HEXD: variants seen among roughly 807,000 people sequenced by gnomAD.
HEXD encodes hexosaminidase D, also known as N-acetyl-beta-galactosaminidase.
Under a neutral mutation model 54.2 loss-of-function variants are expected in HEXD, and 47 were observed. That is an observed-to-expected ratio of 0.87 (90% CI 0.69 to 1.11). The LOEUF is 1.11. Ranked by LOEUF, HEXD falls within the 50% of genes least tolerant of loss-of-function variation. The pLI, the probability that HEXD is intolerant of heterozygous loss-of-function variation, is 0.00. For missense variants in HEXD, 576 were observed against 649.2 expected (o/e 0.89, Z 1.23); for synonymous variants, 293 against 287.6 (o/e 1.02, Z -0.19).
intron 4 of HEXD, 26 bp from the exon 5 acceptor site, chr17:82,433,632 A>T: frequency 6.6e-7 from 1 of 1,526,178 alleles, no homozygotes; most frequent in African/African-American, 1.4e-5. Context: ...TCCGCCCCCA[A>T]CGCGAACTTC....
Position 82,442,491 on chromosome 17 carries a change from G to A in HEXD, c.*107G>A, listed in dbSNP as rs770960916. ...CGTGGGCGTCGTGCCCTCTGGCCCA[G>A]CAGTGTCTTGCCCACACTCAGTTCC... On this transcript the variant is annotated 3_prime_UTR_variant, in exon 13 of 13. Coordinates refer to ENST00000327949, the MANE Select transcript of HEXD (RefSeq NM_001330542.2). This position sits in a 1 kb window ranked among gnomAD's most constrained non-coding sequence, Gnocchi z 6.8. The A allele has an allele frequency of 1.2e-6, 2 of 1,602,522 alleles. No homozygotes were observed. Among genetic ancestry groups the A allele is most frequent in the Admixed American group, 1.7e-5 (1 of 59,848 alleles).
chr17:82,432,110 G>A (rs1404207973), intron 4 of HEXD, among the ~76,000 whole-genome samples: 1 of 152,180 alleles, frequency 6.6e-6, no homozygotes, highest in Admixed American at 6.5e-5. Context: ...GGCAGAGGTT[G>A]TGCTCCCACA....
At position 82,424,600 on chromosome 17, in the gene HEXD, GCA is replaced by G. The variant is rs938508155; in HGVS notation, c.194+100_194+101del. ...GAGCAGCAACCTGGAGGTGCGGGTG[GCA>G]CAGTCAGGAACTGAACAGTGGTGGG... is the stretch of plus-strand genomic sequence containing the variant. On this transcript the variant is annotated intron_variant, in intron 3 of 12. Coordinates refer to ENST00000327949, the MANE Select transcript of HEXD (RefSeq NM_001330542.2). 5.3e-5 allele frequency: 41 copies of G among 778,932 alleles called. No individual in the cohort carries two copies. The African/African-American group carries it at 6.5e-4, about 12-fold the overall frequency. The allele number at this position is 778,932 out of a possible 1,614,324, so 48.3% of individuals were successfully genotyped here.
At chr17:82,440,441 A>C in intron 9 of HEXD, 1 of 655,420 alleles carries the variant, frequency 1.5e-6, no homozygotes. Flanking sequence ...CCCCACACTA[A>C]AGAGCTGTGT....
rs2053676388 is a variant in HEXD at position 82,433,669 on chromosome 17, G to A, written c.294G>A (p.Lys98=). The A allele has an allele frequency of 6.3e-7, 1 of 1,597,912 alleles. No individual in the cohort carries two copies. Among genetic ancestry groups the A allele is most frequent in the African/African-American group, 1.4e-5 (1 of 73,638 alleles). The stretch of plus-strand genomic sequence containing the variant: ...CTGTCTCTCCGCAGTTTGTGCTGAA[G>A]CACACGGCCTTCGCCCACCTGCGGG... ...QTFGHMEFVL[K]HTAFAHLREV... Residue 98 remains lysine, a synonymous_variant, in exon 5 of 13, where the codon AAG becomes AAA. Transcript: ENST00000327949.
chr17:82,440,181 C>T lies in HEXD; in HGVS notation c.982+468C>T, dbSNP rs959219181. 8 of 1,289,826 alleles carry T rather than the reference C, an allele frequency of 6.2e-6. No homozygotes were observed. The Admixed American group carries it at 9.2e-5, about 15-fold the overall frequency. The allele number at this position is 1,289,826 out of a possible 1,614,324, so 79.9% of individuals were successfully genotyped here. A position where few individuals can be genotyped will look rare whatever the true frequency, so the allele number is the denominator to read the frequency against. Reference sequence around the variant, plus strand: ...GCACCGGGGAACCCCTTGGGGTCGGCAGGGGGCTTGGCCAGAGGAGCTGTG... The same window carrying T: ...GCACCGGGGAACCCCTTGGGGTCGGTAGGGGGCTTGGCCAGAGGAGCTGTG... On this transcript the variant is annotated intron_variant, in intron 9 of 12. Transcript: ENST00000327949.
chr17:82,440,130 G>A, intron 9 of HEXD: 3 of 1,294,368 alleles, frequency 2.3e-6, no homozygotes, highest in Non-Finnish European at 3.0e-6. Context: ...TCCTGAGGGA[G>A]CAGCGGGACC....
intron 2 of HEXD, among the ~76,000 whole-genome samples, chr17:82,421,894 A>G (rs535282556): frequency 6.6e-6 from 1 of 152,146 alleles, no homozygotes; most frequent in East Asian, 1.9e-4. Flanking sequence ...AGAAAAAAGA[A>G]GGCCAGGCAC....
chr17:82,422,915 G>A (rs1646048073), intron 2 of HEXD, among the ~76,000 whole-genome samples: 1 of 152,072 alleles, frequency 6.6e-6, no homozygotes. Flanking sequence ...AAATTAGCCA[G>A]GCGTGGTGTC....
chr17:82,424,874 G>A (rs530987654), intron 3 of HEXD, among the ~76,000 whole-genome samples: 38 of 152,176 alleles, frequency 2.5e-4, no homozygotes, highest in Non-Finnish European at 5.0e-4. Context: ...AGAGAAGGAA[G>A]GCCAGAGAAG....
At position 82,436,754 on chromosome 17, in the gene HEXD, T is replaced by G. The variant is rs371946057; in HGVS notation, c.703+16T>G. 2 of 1,607,558 alleles carry G rather than the reference T, an allele frequency of 1.2e-6. No homozygotes were observed. Among genetic ancestry groups the G allele is most frequent in the African/African-American group, 2.7e-5 (2 of 74,830 alleles). On this transcript the variant is annotated intron_variant, in intron 7 of 12. Transcript: ENST00000327949. Reference sequence around the variant, plus strand: ...CACGGCAAGGGTCAGTGCCAAGTTGTGGGGGGTGTGTTGTCCTGGCCATGT... The same window carrying G: ...CACGGCAAGGGTCAGTGCCAAGTTGGGGGGGGTGTGTTGTCCTGGCCATGT...
chr17:82,434,680 A>G lies in HEXD; in HGVS notation c.447+858A>G, dbSNP rs1172849962. On this transcript the variant is annotated intron_variant, in intron 5 of 12. Coordinates refer to ENST00000327949, the MANE Select transcript of HEXD (RefSeq NM_001330542.2). This position sits in a 1 kb window ranked among gnomAD's most constrained non-coding sequence, Gnocchi z 4.5. ...TGGTGAAACCCCGTCTCTACTAAAT[A>G]TACAAAAATCAGCCGGGCGTGATGG... Among the ~76,000 whole-genome samples the G allele has an allele frequency of 6.6e-6, 1 of 151,982 alleles. No individual in the cohort carries two copies. Among genetic ancestry groups the G allele is most frequent in the Non-Finnish European group, 1.5e-5 (1 of 68,016 alleles).
chr17:82,430,549 G>A (rs986560326), intron 4 of HEXD, among the ~76,000 whole-genome samples: 7 of 152,086 alleles, frequency 4.6e-5, no homozygotes, highest in African/African-American at 9.7e-5. Flanking sequence ...CACCATGCCC[G>A]GCTAACTTTT....
Position 82,418,381 on chromosome 17 carries a change from C to T in HEXD, c.-411C>T. The T allele has an allele frequency of 6.9e-7, 1 of 1,450,620 alleles. No individual in the cohort carries two copies. Among genetic ancestry groups the T allele is most frequent in the Non-Finnish European group, 9.1e-7 (1 of 1,097,458 alleles). 89.9% of individuals were successfully genotyped at this position (1,450,620 alleles called of 1,614,324 possible). A position where few individuals can be genotyped will look rare whatever the true frequency, so the allele number is the denominator to read the frequency against. On this transcript the variant is annotated 5_prime_UTR_variant, in exon 1 of 13. Coordinates refer to ENST00000327949, the MANE Select transcript of HEXD (RefSeq NM_001330542.2). The stretch of plus-strand genomic sequence containing the variant: ...CACTCCATGGCCCTGTCCGCCGCCG[C>T]AGCGCGCGCCCTTCCCCTCCTCACC...
intron 7 of HEXD, 51 bp downstream of exon 7, chr17:82,436,789 G>A: frequency 6.6e-7 from 1 of 1,517,840 alleles, no homozygotes; most frequent in Non-Finnish European, 9.0e-7. Flanking sequence ...TGCCTGGGAA[G>A]GCCATCCCTG....
At chr17:82,439,534 G>C (rs1270491774) in intron 8 of HEXD, 97 bp from the exon 9 acceptor site, 11 of 1,487,428 alleles carry the variant, frequency 7.4e-6, no homozygotes, top group Admixed American at 2.2e-5. Flanking sequence ...TGTAGCCTAA[G>C]GCCCTGGAAC....
chr17:82,418,789 C>T (rs1172505269), intron 1 of HEXD, 49 bp downstream of exon 1: 1 of 152,648 alleles, frequency 6.6e-6, no homozygotes, highest in African/African-American at 2.4e-5. Context: ...CGGGCGGCTC[C>T]TGGCTGGAAG....
intron 8 of HEXD, 161 bp from the exon 9 acceptor site, chr17:82,439,470 C>T: frequency 1.0e-6 from 1 of 985,446 alleles, no homozygotes; most frequent in South Asian, 4.7e-5. Context: ...CAGAACCTGT[C>T]TTGGAAACCC....
chr17:82,439,651 T>C lies in HEXD; in HGVS notation c.920T>C (p.Leu307Pro). 1.3e-6 allele frequency: 2 copies of C among 1,588,898 alleles called. No individual in the cohort carries two copies. Among genetic ancestry groups the C allele is most frequent in the Admixed American group, 1.7e-5 (1 of 59,440 alleles). ...GWQRYDHYSV[L>P]CELLPAGVPS... Reference sequence around the variant, plus strand: ...CCCAGGTACGACCACTACTCTGTGCTGTGCGAGCTGCTGCCCGCAGGAGTC... The same window carrying C: ...CCCAGGTACGACCACTACTCTGTGCCGTGCGAGCTGCTGCCCGCAGGAGTC... Residue 307 changes from leucine to proline, a missense_variant, in exon 9 of 13, where the codon CTG (leucine) becomes CCG (proline). Transcript: ENST00000327949.
Sources: gnomAD v4.1 joint callset for allele counts (sites outside exome capture counted in the v4.1 genomes callset) on GRCh38, gnomAD v4.1.1 for gene constraint, Gnocchi (gnomAD v3.1) non-coding constraint, MANE v1.5 for transcripts, NCBI Gene and HGNC (gene_info 2026-07-23, HGNC 2026-07-21) for gene names.